The following ATP8B4 variants were observed in gnomAD, a reference collection of about 807,000 sequenced individuals.
ATP8B4 encodes the protein probable phospholipid-transporting ATPase IM.
ATP8B4 carries 133 observed loss-of-function variants against 145.6 expected under a neutral mutation model. The ratio of observed to expected loss-of-function variants is 0.91; its 90% confidence interval spans 0.79 to 1.05. ATP8B4 has a LOEUF of 1.05. Ranked by LOEUF, ATP8B4 falls within the 50% of genes least tolerant of loss-of-function variation. ATP8B4 has a pLI of 0.00. For missense variants in ATP8B4, 1,458 were observed against 1,425.2 expected (o/e 1.02, Z -0.37); for synonymous variants, 507 against 492.9 (o/e 1.03, Z -0.38).
chr15:49,905,459 A>G (rs8023809), intron 20 of ATP8B4, among the ~76,000 whole-genome samples: 117,549 of 152,056 alleles, frequency 0.77, 45,859 homozygotes, highest in African/African-American at 0.85. Context: ...AGTATAGAGA[A>G]CAACTTTGAG....
chr15:49,979,022 T>A lies in ATP8B4; in HGVS notation c.1034+595A>T, dbSNP rs184230013. Among the ~76,000 whole-genome samples, 407 of 152,264 alleles carry A rather than the reference T, an allele frequency of 2.7e-3. 3 individuals are homozygous for A. The highest frequency in any genetic ancestry group is 2.4e-3 in the Non-Finnish European group (164 of 68,008). Reference sequence around the variant, plus strand: ...ACTCCTTTATGTACATACTTATAGTTACTAATAATAGGAAAAGCTAATATT... The same window carrying A: ...ACTCCTTTATGTACATACTTATAGTAACTAATAATAGGAAAAGCTAATATT... On this transcript the variant is annotated intron_variant, in intron 12 of 27. Coordinates refer to ENST00000284509, the MANE Select transcript of ATP8B4 (RefSeq NM_024837.4).
At chr15:49,932,173 G>A (rs1005278933) in intron 15 of ATP8B4, among the ~76,000 whole-genome samples, 2 of 151,738 alleles carry the variant, frequency 1.3e-5, no homozygotes, top group Admixed American at 6.6e-5. Context: ...AAGTAAACAA[G>A]TTGCATATTA....
At chr15:49,935,277 C>T (rs529155218) in intron 14 of ATP8B4, among the ~76,000 whole-genome samples, 10 of 152,046 alleles carry the variant, frequency 6.6e-5, no homozygotes, top group Non-Finnish European at 8.8e-5. Context: ...TATAATCTTC[C>T]GAACAATGAT....
intron 6 of ATP8B4, among the ~76,000 whole-genome samples, chr15:50,011,763 A>G (rs1265090866): frequency 6.6e-6 from 1 of 152,150 alleles, no homozygotes; most frequent in Non-Finnish European, 1.5e-5. Context: ...AATGTAAACC[A>G]GCTTTGTTTT....
At position 49,862,192 on chromosome 15, in the gene ATP8B4, C is replaced by T. The variant is rs2031946974; in HGVS notation, c.3297+53G>A. 1.9e-6 allele frequency: 3 copies of T among 1,581,472 alleles called. No individual in the cohort carries two copies. The South Asian group carries it at 3.4e-5, about 18-fold the overall frequency. ...CTTCCAATAAGGCAGAAAAGGACACCATTTCAAGAGCCAAAAACCAGCCTT... is the reference window on the plus strand; with the variant it reads ...CTTCCAATAAGGCAGAAAAGGACACTATTTCAAGAGCCAAAAACCAGCCTT... On this transcript the variant is annotated intron_variant, in intron 27 of 27. Coordinates refer to ENST00000284509, the MANE Select transcript of ATP8B4 (RefSeq NM_024837.4).
At position 49,948,802 on chromosome 15, in the gene ATP8B4, A is replaced by G. The variant is rs2042808498; in HGVS notation, c.1287+13175T>C. 2.0e-5 allele frequency among the ~76,000 whole-genome samples: 3 copies of G among 152,270 alleles called. No individual in the cohort carries two copies. The South Asian group carries it at 6.2e-4, about 32-fold the overall frequency. ...TGCTGTGCAGAAGCTCTTTAGTTTA[A>G]TTACATCCCATCAGTCAATTTTGGA... On this transcript the variant is annotated intron_variant, in intron 14 of 27. Coordinates refer to ENST00000284509, the MANE Select transcript of ATP8B4 (RefSeq NM_024837.4).
At chr15:49,929,336 G>A (rs2153463316) in intron 16 of ATP8B4, among the ~76,000 whole-genome samples, 1 of 152,196 alleles carries the variant, frequency 6.6e-6, no homozygotes, top group South Asian at 2.1e-4. Context: ...ACATGCAGTT[G>A]CAACGATTCA....
At chr15:50,087,111 AT>A (rs1243070266) in intron 2 of ATP8B4, among the ~76,000 whole-genome samples, 1 of 124,002 alleles carries the variant, frequency 8.1e-6, no homozygotes, top group Non-Finnish European at 1.6e-5. Flanking sequence ...TATAGATTAT[AT>A]TTATTATATA....
At chr15:50,069,679 T>C (rs907094247) in intron 3 of ATP8B4, among the ~76,000 whole-genome samples, 1 of 152,208 alleles carries the variant, frequency 6.6e-6, no homozygotes, top group African/African-American at 2.4e-5. Context: ...TGTTGTTGTT[T>C]GGTTGGTTGA....
Position 49,933,296 on chromosome 15 carries a change from A to G in ATP8B4, c.1453+721T>C, listed in dbSNP as rs142844125. On this transcript the variant is annotated intron_variant, in intron 15 of 27. Coordinates refer to ENST00000284509, the MANE Select transcript of ATP8B4 (RefSeq NM_024837.4). ...ATAAAATTGAGATATAAAATTAAAC[A>G]GATTTGAGAAAGAACCAAAGACCTT... is the stretch of plus-strand genomic sequence containing the variant. Among the ~76,000 whole-genome samples, 133 of 152,242 alleles carry G rather than the reference A, an allele frequency of 8.7e-4. 1 individual carries two copies. The highest frequency in any genetic ancestry group is 3.1e-3 in the African/African-American group (127 of 41,568).
intron 2 of ATP8B4, among the ~76,000 whole-genome samples, chr15:50,080,121 C>T (rs1471435689): frequency 6.6e-6 from 1 of 152,176 alleles, no homozygotes; most frequent in African/African-American, 2.4e-5. Flanking sequence ...CAAAGTGCTA[C>T]TCCATATAGG....
At position 50,171,293 on chromosome 15, in the gene ATP8B4, C is replaced by G. The variant is rs567148948; in HGVS notation, c.-43+10968G>C. ...CACAAGGAACTTCCTCCAAGATAGACCATGTGATATGCCATAAAACAAGCC... is the reference window on the plus strand; with the variant it reads ...CACAAGGAACTTCCTCCAAGATAGAGCATGTGATATGCCATAAAACAAGCC... On this transcript the variant is annotated intron_variant, in intron 1 of 3. Coordinates refer to the ATP8B4 transcript ENST00000558829. Among the ~76,000 whole-genome samples, 3 of 152,254 alleles carry G rather than the reference C, an allele frequency of 2.0e-5. No homozygotes were observed. The South Asian group carries it at 6.2e-4, about 32-fold the overall frequency.
chr15:49,950,763 G>C (rs1255202976), intron 14 of ATP8B4, among the ~76,000 whole-genome samples: 3 of 151,968 alleles, frequency 2.0e-5, no homozygotes, highest in African/African-American at 7.3e-5. Context: ...GTTTGCTCTT[G>C]CCTCTCTAGC....
intron 7 of ATP8B4, among the ~76,000 whole-genome samples, chr15:50,003,309 T>TGTGC (rs1247446811): frequency 1.3e-5 from 2 of 151,496 alleles, no homozygotes; most frequent in Non-Finnish European, 2.9e-5. Context: ...TGTGTGTGTG[T>TGTGC]GTGGTTTTGT....
intron 16 of ATP8B4, among the ~76,000 whole-genome samples, chr15:49,928,859 A>T (rs2040981191): frequency 6.6e-6 from 1 of 152,024 alleles, no homozygotes; most frequent in Admixed American, 6.6e-5. Flanking sequence ...AGAGAAGGAG[A>T]TGGATTAGAG....
intron 12 of ATP8B4, 85 bp downstream of exon 12, chr15:49,979,532 G>C: frequency 8.7e-7 from 1 of 1,142,914 alleles, no homozygotes; most frequent in Non-Finnish European, 1.2e-6. Context: ...GACATCTATT[G>C]CACTGCTGAA....
In ATP8B4 at chr15:49,860,487, C is replaced by T. The variant is rs1046819064; in HGVS notation, c.3298-12G>A. ...TGCCACCGGCGGATCTGGAGAGAAACAGACCCAAAGTGAGATGATGCATCC... is the reference window on the plus strand; with the variant it reads ...TGCCACCGGCGGATCTGGAGAGAAATAGACCCAAAGTGAGATGATGCATCC... On this transcript the variant is annotated splice_polypyrimidine_tract_variant and intron_variant, in intron 27 of 27. Coordinates refer to ENST00000284509, the MANE Select transcript of ATP8B4 (RefSeq NM_024837.4). 1 of 1,598,054 alleles carries T rather than the reference C, an allele frequency of 6.3e-7. No individual in the cohort carries two copies. Among genetic ancestry groups the T allele is most frequent in the Non-Finnish European group, 8.5e-7 (1 of 1,173,668 alleles).
chr15:50,138,726 A>C (rs2044165823), intron 1 of ATP8B4, among the ~76,000 whole-genome samples: 2 of 152,200 alleles, frequency 1.3e-5, no homozygotes, highest in Non-Finnish European at 2.9e-5. Flanking sequence ...TTTTAAAATA[A>C]AAACATTACT....
At chr15:50,094,748 C>T (rs560482717) in intron 2 of ATP8B4, among the ~76,000 whole-genome samples, 13 of 145,776 alleles carry the variant, frequency 8.9e-5, no homozygotes, top group African/African-American at 1.8e-4. Context: ...ATATACATTC[C>T]GTTTTACTAG....
Sources: gnomAD v4.1 joint callset for allele counts (sites outside exome capture counted in the v4.1 genomes callset) on GRCh38, gnomAD v4.1.1 for gene constraint, MANE v1.5 for transcripts, NCBI Gene and HGNC (gene_info 2026-07-23, HGNC 2026-07-21) for gene names.